Variants in ATP9A observed in about 807,000 individuals in gnomAD.
ATP9A encodes the protein ATPase phospholipid transporting 9A.
ATP9A carries 52 observed loss-of-function variants against 144.1 expected under a neutral mutation model. That is an observed-to-expected ratio of 0.36 (90% CI 0.29 to 0.45). The LOEUF (loss-of-function observed/expected upper bound fraction) is 0.45, where lower values mean the gene tolerates loss of function less well. Ranked by LOEUF, ATP9A falls within the 20% of genes least tolerant of loss-of-function variation. The probability of loss-of-function intolerance (pLI) is 1.00; values close to 1 mark genes in which losing one functional copy is unlikely to be tolerated. For synonymous variants in ATP9A, 582 were observed against 557.4 expected (o/e 1.04, Z -0.62); for missense variants, 947 against 1,392.7 (o/e 0.68, Z 5.09).
chr20:51,689,146 A>G lies in ATP9A; in HGVS notation c.724-7T>C, dbSNP rs1568821562. Reference sequence around the variant, plus strand: ...TCGGGGGGTCGCTGTCTTCCTGGAAAAGACCAAACGGACACACGTTCACCC... The same window carrying G: ...TCGGGGGGTCGCTGTCTTCCTGGAAGAGACCAAACGGACACACGTTCACCC... On this transcript the variant is annotated splice_region_variant and splice_polypyrimidine_tract_variant and intron_variant, in intron 8 of 27. Transcript: ENST00000338821. 1.2e-6 allele frequency: 2 copies of G among 1,613,886 alleles called. No homozygotes were observed. The highest frequency in any genetic ancestry group is 1.3e-5 in the African/African-American group (1 of 75,014).
intron 1 of ATP9A, among the ~76,000 whole-genome samples, chr20:51,755,014 A>G (rs1311706181): frequency 6.6e-6 from 1 of 152,054 alleles, no homozygotes; most frequent in Non-Finnish European, 1.5e-5. Flanking sequence ...ACTACTCAGG[A>G]GGCTGAGGCA....
Position 51,611,725 on chromosome 20 carries a change from A to C in ATP9A, c.2572-1560T>G, listed in dbSNP as rs2077185713. ...GTATGAGTCCAAGGACGGGCTGATTAATCTCCCAATCATTAAAGCCACAGC... is the reference window on the plus strand; with the variant it reads ...GTATGAGTCCAAGGACGGGCTGATTCATCTCCCAATCATTAAAGCCACAGC... On this transcript the variant is annotated intron_variant, in intron 23 of 27. Coordinates refer to ENST00000338821, the MANE Select transcript of ATP9A (RefSeq NM_006045.3). The surrounding 1 kb of genome is among the most constrained non-coding windows in gnomAD (Gnocchi z 4.2). 6.6e-6 allele frequency among the ~76,000 whole-genome samples: 1 copy of C among 152,232 alleles called. No individual in the cohort carries two copies. The highest frequency in any genetic ancestry group is 2.1e-4 in the South Asian group (1 of 4,834).
At position 51,631,415 on chromosome 20, in the gene ATP9A, G is replaced by A. The variant is rs77090550; in HGVS notation, c.1669-2343C>T. ...GAGGTTTTATTTTTTCCTTCCCCCC[G>A]ACAACCAAAGGGTGCTCAACAACAT... On this transcript the variant is annotated intron_variant, in intron 15 of 27. Transcript: ENST00000338821. Among the ~76,000 whole-genome samples the A allele has an allele frequency of 6.5e-4, 99 of 152,124 alleles. No homozygotes were observed. The East Asian group carries it at 0.017, about 27-fold the overall frequency.
chr20:51,608,431 AT>A (rs1173290952), intron 25 of ATP9A, 86 bp downstream of exon 25: 4 of 890,650 alleles, frequency 4.5e-6, no homozygotes, highest in Non-Finnish European at 7.6e-6. Context: ...TGTGAAATAA[AT>A]TCAAAGAAAA....
At chr20:51,627,044 C>T (rs560076059) in intron 17 of ATP9A, among the ~76,000 whole-genome samples, 6 of 131,816 alleles carry the variant, frequency 4.6e-5, no homozygotes, top group African/African-American at 1.1e-4. Flanking sequence ...GCGACAAGAG[C>T]GAAACTCTGT....
Position 51,601,239 on chromosome 20 carries a change from G to A in ATP9A, c.3116C>T (p.Pro1039Leu). Residue 1039 changes from proline (P) to leucine (L), a missense_variant, in exon 28 of 28, where the codon CCC becomes CTC. Coordinates refer to ENST00000338821, the MANE Select transcript of ATP9A (RefSeq NM_006045.3). Reference sequence around the variant, plus strand: ...TGATGTGAGCTTTGAGTAGCTGGGGGGAGAGAACCGTCTTCGCAGGTACTT... The same window carrying A: ...TGATGTGAGCTTTGAGTAGCTGGGGAGAGAGAACCGTCTTCGCAGGTACTT... The part of the protein sequence containing the change: ...VLKYLRRRFS[P>L]PSYSKLTS The A allele has an allele frequency of 6.2e-7, 1 of 1,613,638 alleles. No individual in the cohort carries two copies.
At chr20:51,608,870 T>C (rs1305869957) in intron 24 of ATP9A, among the ~76,000 whole-genome samples, 1 of 151,626 alleles carries the variant, frequency 6.6e-6, no homozygotes, top group Non-Finnish European at 1.5e-5. Flanking sequence ...AAACTCTATG[T>C]GTGTTAGAGA....
At position 51,617,338 on chromosome 20, in the gene ATP9A, T is replaced by A. The variant is rs191251312; in HGVS notation, c.2415+152A>T. 2.1e-3 allele frequency: 1,704 copies of A among 796,104 alleles called. 5 individuals carry two copies. The highest frequency in any genetic ancestry group is 3.1e-3 in the Non-Finnish European group (1,485 of 481,280). The allele number at this position is 796,104 out of a possible 1,614,324, so 49.3% of individuals were successfully genotyped here. On this transcript the variant is annotated intron_variant, in intron 22 of 27. Coordinates refer to ENST00000338821, the MANE Select transcript of ATP9A (RefSeq NM_006045.3). Reference sequence around the variant, plus strand: ...AGATGTAGCAATACAGACCTCTATCTTCCCAGTGACACAAGGTAACTGTGA... The same window carrying A: ...AGATGTAGCAATACAGACCTCTATCATCCCAGTGACACAAGGTAACTGTGA...
intron 14 of ATP9A, among the ~76,000 whole-genome samples, chr20:51,653,511 G>A (rs1166858041): frequency 1.3e-5 from 2 of 152,134 alleles, no homozygotes; most frequent in South Asian, 2.1e-4. Context: ...ATTCCGCTGG[G>A]TGCGGTGGTT....
chr20:51,752,970 T>C (rs2077838862), intron 1 of ATP9A, among the ~76,000 whole-genome samples: 1 of 152,042 alleles, frequency 6.6e-6, no homozygotes, highest in Admixed American at 6.6e-5. Flanking sequence ...GGGGTGGTTA[T>C]GCACGCCTGT....
chr20:51,654,098 C>T (rs1383403927), intron 14 of ATP9A, among the ~76,000 whole-genome samples: 4 of 152,162 alleles, frequency 2.6e-5, no homozygotes, highest in African/African-American at 9.7e-5. Context: ...ACCCTCCCTC[C>T]CCCTCTCTCT....
chr20:51,767,942 A>G (rs2077912556), intron 1 of ATP9A, among the ~76,000 whole-genome samples: 1 of 152,210 alleles, frequency 6.6e-6, no homozygotes, highest in African/African-American at 2.4e-5. Flanking sequence ...TCAGATATTA[A>G]TTACGGACAG....
At chr20:51,623,388 C>T (rs76651765) in intron 18 of ATP9A, among the ~76,000 whole-genome samples, 2,625 of 152,242 alleles carry the variant, frequency 0.017, 78 homozygotes, top group African/African-American at 0.059. Context: ...GACCCCAGCT[C>T]CAGTCCCGGC....
At chr20:51,654,524 A>G (rs1280262144) in intron 14 of ATP9A, among the ~76,000 whole-genome samples, 1 of 152,066 alleles carries the variant, frequency 6.6e-6, no homozygotes, top group African/African-American at 2.4e-5. Context: ...AAAAAAAAAA[A>G]AAATTCTGGG....
rs554429139 is a variant in ATP9A, at chr20:51,656,247, C to T, written c.1506+691G>A. ...AAAAAAAAAAAAATCCCAAAATATA[C>T]TAACTATATTAAGAAGCCATACTCA... On this transcript the variant is annotated intron_variant, in intron 14 of 27. Coordinates refer to ENST00000338821, the MANE Select transcript of ATP9A (RefSeq NM_006045.3). Among the ~76,000 whole-genome samples the T allele has an allele frequency of 6.6e-5, 10 of 151,556 alleles. No homozygotes were observed. In the South Asian group the frequency reaches 1.9e-3, roughly 28 times the overall value.
Position 51,696,135 on chromosome 20 carries a change from C to A in ATP9A, c.505G>T (p.Val169Phe). Reference protein sequence around the residue: ...DLIIVEKNQRVPADMIFLRTS... With the variant: ...DLIIVEKNQRFPADMIFLRTS... ...CTCAGGAAGATCATGTCGGCAGGGA[C>A]CCGCTGGTTCTGTGTTATGAAAAGA... The change falls in exon 6 of 28, where the codon GTC (valine) becomes TTC (phenylalanine). Residue 169 changes from valine (V) to phenylalanine (F), a missense_variant. By Grantham distance (50) the Val-to-Phe change is conservative (BLOSUM62 -1). Around this residue, in one of 2 missense-constraint regions of ATP9A, gnomAD observed 770 missense variants for 1,047.9 expected, o/e 0.73. Transcript: ENST00000338821. 6.2e-7 allele frequency: 1 copy of A among 1,613,776 alleles called. No homozygotes were observed.
rs966314598 is a variant in ATP9A at position 51,657,057 on chromosome 20, T to C, written c.1387A>G (p.Ile463Val). The stretch of plus-strand genomic sequence containing the variant: ...GGAGTCACGTTGTGGCAGAGCGCGA[T>C]GGCCTTCACGGCTTCGTGCACGCGG... The part of the protein sequence containing the change: ...SSRVHEAVKA[I>V]ALCHNVTPVY... The change falls in exon 14 of 28, where the codon ATC (isoleucine) becomes GTC (valine). Residue 463 changes from isoleucine to valine, a missense_variant. Ile to Val is a conservative substitution (Grantham distance 29, BLOSUM62 3). Around this residue, in one of 2 missense-constraint regions of ATP9A, gnomAD observed 770 missense variants for 1,047.9 expected, o/e 0.73. Transcript: ENST00000338821. The C allele has an allele frequency of 1.2e-6, 2 of 1,614,104 alleles. No homozygotes were observed. Among genetic ancestry groups the C allele is most frequent in the Non-Finnish European group, 1.7e-6 (2 of 1,180,044 alleles).
At chr20:51,668,949 AAC>A (rs2077445017) in intron 13 of ATP9A, among the ~76,000 whole-genome samples, 1 of 152,232 alleles carries the variant, frequency 6.6e-6, no homozygotes, top group Non-Finnish European at 1.5e-5. Context: ...TTCTGCCTTT[AAC>A]CTGTATACAG....
At chr20:51,647,285 A>C (rs1209276320) in intron 14 of ATP9A, among the ~76,000 whole-genome samples, 1 of 152,188 alleles carries the variant, frequency 6.6e-6, no homozygotes, top group East Asian at 1.9e-4. Context: ...ACGGTGGCTC[A>C]TGCCTGTAAT....
Sources: allele counts gnomAD v4.1 joint callset (sites outside exome capture counted in the v4.1 genomes callset), GRCh38; gene constraint gnomAD v4.1.1; regional missense constraint gnomAD v4.1.1; non-coding constraint Gnocchi (gnomAD v3.1); transcripts MANE v1.5; gene names NCBI Gene and HGNC (gene_info 2026-07-23, HGNC 2026-07-21).